The following MDM1 variants were observed in gnomAD, a reference collection of about 807,000 sequenced individuals.
The protein encoded by MDM1 is Mdm1 nuclear protein.
Under a neutral mutation model 89.1 loss-of-function variants are expected in MDM1, and 61 were observed. The ratio of observed to expected loss-of-function variants is 0.68; its 90% CI spans 0.56 to 0.85. The LOEUF (loss-of-function observed/expected upper bound fraction) is 0.85. Ranked by LOEUF, MDM1 falls within the 40% of genes least tolerant of loss-of-function variation. The probability of loss-of-function intolerance (pLI) is 0.00; values close to 1 mark genes in which losing one functional copy is unlikely to be tolerated. For missense variants in MDM1, 820 were observed against 846.5 expected (o/e 0.97, Z 0.39); for synonymous variants, 290 against 294.1 (o/e 0.99, Z 0.14).
Position 68,331,181 on chromosome 12 carries a change from G to C in MDM1, c.59C>G (p.Ser20Cys). 2 of 1,611,338 alleles carry C rather than the reference G, an allele frequency of 1.2e-6. No homozygotes were observed. Among genetic ancestry groups the C allele is most frequent in the Non-Finnish European group, 1.7e-6 (2 of 1,177,432 alleles). ...GGAATTACAAGACTCGGACAAATAA[G>C]ACTTTTTCCACAGGAAGTTCCTCTG... ...EYQRNFLWKK[S>C]YLSESCNSSV... The change falls in exon 2 of 15, where the codon TCT becomes TGT. Residue 20 changes from serine (S) to cysteine (C), a missense_variant. Transcript: ENST00000682720.
At chr12:68,329,956 C>G (rs1876551709) in intron 2 of MDM1, among the ~76,000 whole-genome samples, 1 of 152,186 alleles carries the variant, frequency 6.6e-6, no homozygotes, top group Non-Finnish European at 1.5e-5. Context: ...AGCTGTAAAG[C>G]TGGGGCAGCG....
At chr12:68,313,314 A>G (rs1873954499) in intron 12 of MDM1, 129 bp downstream of exon 12, 8 of 664,080 alleles carry the variant, frequency 1.2e-5, no homozygotes, top group Non-Finnish European at 1.8e-5. Context: ...TACTAAAAGC[A>G]GGTTAACAGT....
chr12:68,317,726 T>C (rs559187999), intron 7 of MDM1, among the ~76,000 whole-genome samples: 2 of 152,358 alleles, frequency 1.3e-5, no homozygotes, highest in South Asian at 4.1e-4. Flanking sequence ...GGTTTTTGCA[T>C]TTAACAGGTA....
intron 12 of MDM1, among the ~76,000 whole-genome samples, chr12:68,312,752 A>G (rs1873864487): frequency 6.6e-6 from 1 of 152,082 alleles, no homozygotes; most frequent in Non-Finnish European, 1.5e-5. Flanking sequence ...CTCTGAACCC[A>G]TTATCAACAC....
rs1323975020 is a variant in MDM1, at chr12:68,313,543, A to C, written c.1649T>G (p.Val550Gly). Residue 550 changes from valine (V) to glycine (G), a missense_variant, in exon 12 of 15, where the codon GTT becomes GGT. Coordinates refer to ENST00000682720, the MANE Select transcript of MDM1 (RefSeq NM_001354969.2). ...CTTCATCTTAGATGGAGACACTAAA[A>C]CAGCACCACCTGGAAAAATAAAGAT... ...DLTTPAVGGA[V>G]LVSPSKMKPP... is the part of the protein sequence containing the mutation. The C allele has an allele frequency of 1.9e-6, 3 of 1,613,534 alleles. No homozygotes were observed. The South Asian group carries it at 3.3e-5, about 18-fold the overall frequency.
chr12:68,321,163 C>A, intron 7 of MDM1, 184 bp downstream of exon 7: 5 of 383,962 alleles, frequency 1.3e-5, no homozygotes, highest in South Asian at 7.6e-5. Context: ...TCTGAAGAGC[C>A]AGTGGCATTA....
chr12:68,302,916 G>C (rs1872410324), intron 12 of MDM1, 44 bp from the exon 13 acceptor site: 6 of 1,473,010 alleles, frequency 4.1e-6, no homozygotes, highest in Non-Finnish European at 5.4e-6. Flanking sequence ...CCTATGTGTA[G>C]ATATGTAAAT....
At chr12:68,309,313 T>C (rs2120897115) in intron 12 of MDM1, among the ~76,000 whole-genome samples, 1 of 152,318 alleles carries the variant, frequency 6.6e-6, no homozygotes, top group Admixed American at 6.5e-5. Flanking sequence ...TGCTTCCTCT[T>C]CTCCTTTATC....
In MDM1 at chr12:68,321,335, A is replaced by T; in HGVS notation, c.1005+12T>A. On this transcript the variant is annotated intron_variant, in intron 7 of 14. Coordinates refer to ENST00000682720, the MANE Select transcript of MDM1 (RefSeq NM_001354969.2). ...AAGAACATGTAGGCTTATTGAGGTC[A>T]TGTACACTCACCTGATTTGGCATGT... is the stretch of plus-strand genomic sequence containing the variant. The T allele has an allele frequency of 6.2e-7, 1 of 1,606,892 alleles. No individual in the cohort carries two copies. Among genetic ancestry groups the T allele is most frequent in the South Asian group, 1.1e-5 (1 of 90,608 alleles).
At chr12:68,322,958 T>C (rs1280186592) in intron 5 of MDM1, 115 bp downstream of exon 5, 2 of 889,738 alleles carry the variant, frequency 2.2e-6, no homozygotes, top group Admixed American at 3.0e-5. Flanking sequence ...GATGAACAAA[T>C]GAATTAATGA....
At position 68,310,031 on chromosome 12, in the gene MDM1, C is replaced by T. The variant is rs146333077; in HGVS notation, c.1749+3412G>A. 5.9e-3 allele frequency among the ~76,000 whole-genome samples: 892 copies of T among 152,270 alleles called. 13 individuals carry two copies. Among genetic ancestry groups the T allele is most frequent in the African/African-American group, 0.02 (827 of 41,548 alleles). ...TGTCTTCCAGGCTGGAGTGCAGTGG[C>T]GTGATCTCAGCTCACTCCAACCTCC... On this transcript the variant is annotated intron_variant, in intron 12 of 14. Coordinates refer to ENST00000682720, the MANE Select transcript of MDM1 (RefSeq NM_001354969.2).
At chr12:68,331,408 T>C (rs1280092178) in intron 1 of MDM1, among the ~76,000 whole-genome samples, 187 bp from the exon 2 acceptor site, 1 of 152,210 alleles carries the variant, frequency 6.6e-6, no homozygotes, top group Non-Finnish European at 1.5e-5. Flanking sequence ...ACGTGTTATA[T>C]CCTTTAATCC....
intron 12 of MDM1, among the ~76,000 whole-genome samples, chr12:68,308,824 T>C (rs1214014144): frequency 6.6e-6 from 1 of 152,210 alleles, no homozygotes; most frequent in Non-Finnish European, 1.5e-5. Context: ...GCTCAGTGCA[T>C]GGTACCTCCA....
Position 68,313,541 on chromosome 12 carries a change from A to C in MDM1, c.1651T>G (p.Leu551Val), listed in dbSNP as rs754862003. 1 of 1,613,608 alleles carries C rather than the reference A, an allele frequency of 6.2e-7. No individual in the cohort carries two copies. Among genetic ancestry groups the C allele is most frequent in the Non-Finnish European group, 8.5e-7 (1 of 1,179,566 alleles). The change falls in exon 12 of 15, where the codon TTA becomes GTA. Residue 551 changes from leucine to valine, a missense_variant. Leu to Val is a conservative substitution (Grantham distance 32, BLOSUM62 1). Transcript: ENST00000682720. ...GGCTTCATCTTAGATGGAGACACTA[A>C]AACAGCACCACCTGGAAAAATAAAG... Reference protein sequence around the residue: ...LTTPAVGGAVLVSPSKMKPPA... With the variant: ...LTTPAVGGAVVVSPSKMKPPA...
chr12:68,314,613 TA>T (rs1874205827), intron 10 of MDM1, among the ~76,000 whole-genome samples: 1 of 152,224 alleles, frequency 6.6e-6, no homozygotes, highest in Non-Finnish European at 1.5e-5. Flanking sequence ...CATCTGATAT[TA>T]AAGAACACCA....
chr12:68,315,305 T>C, intron 9 of MDM1, 40 bp from the exon 10 acceptor site: 4 of 1,566,892 alleles, frequency 2.6e-6, no homozygotes, highest in Non-Finnish European at 3.5e-6. Flanking sequence ...TGTGAATAGT[T>C]TGCACTTTTC....
chr12:68,331,348 G>A (rs1876789910), intron 1 of MDM1, 127 bp from the exon 2 acceptor site: 1 of 676,556 alleles, frequency 1.5e-6, no homozygotes, highest in Admixed American at 2.3e-5. Flanking sequence ...ACACAGACGA[G>A]CTCCTTAATA....
rs1876758184 is a variant in MDM1, at chr12:68,331,194, G to C, written c.46C>G (p.Leu16Val). 1.2e-6 allele frequency: 2 copies of C among 1,608,538 alleles called. No individual in the cohort carries two copies. The highest frequency in any genetic ancestry group is 1.7e-6 in the Non-Finnish European group (2 of 1,174,868). ...TCGGACAAATAAGACTTTTTCCACA[G>C]GAAGTTCCTCTGGTATTCACTCAGC... ...KGLSEYQRNFLWKKSYLSESC... is the reference protein window; with the variant it reads ...KGLSEYQRNFVWKKSYLSESC... Residue 16 changes from leucine (L) to valine (V), a missense_variant, in exon 2 of 15, where the codon CTG (leucine) becomes GTG (valine). Leu to Val is a conservative substitution (Grantham distance 32). Transcript: ENST00000682720.
chr12:68,318,746 A>G (rs1014697192), intron 7 of MDM1, among the ~76,000 whole-genome samples: 1 of 152,192 alleles, frequency 6.6e-6, no homozygotes, highest in Non-Finnish European at 1.5e-5. Context: ...AACAACATAC[A>G]CACACCTTTC....
Sources: gnomAD v4.1 joint callset for allele counts (sites outside exome capture counted in the v4.1 genomes callset) on GRCh38, gnomAD v4.1.1 for gene constraint, MANE v1.5 for transcripts, NCBI Gene and HGNC (gene_info 2026-07-23, HGNC 2026-07-21) for gene names.